METTL5: variants seen among roughly 807,000 people sequenced by gnomAD.
METTL5 encodes the protein rRNA N(6)-adenosine-methyltransferase METTL5.
A neutral mutation model predicts 26.5 loss-of-function variants in METTL5; 28 were observed. The observed-to-expected ratio is 1.06, with a 90% CI of 0.78 to 1.45. The LOEUF is 1.45. METTL5 is among the 40% of genes most tolerant of loss of function. The pLI, the probability that METTL5 is intolerant of heterozygous loss-of-function variation, is 0.00. For missense variants in METTL5, 231 were observed against 249.9 expected (o/e 0.92, Z 0.51); for synonymous variants, 86 against 82.6 (o/e 1.04, Z -0.22).
chr2:169,824,173 G>A (rs768982217), intron 1 of METTL5: 3 of 251,226 alleles, frequency 1.2e-5, no homozygotes, highest in Non-Finnish European at 2.4e-5. Context: ...TGGGCACTGG[G>A]AATTCAAGTA....
rs941150120 is a variant in METTL5, at chr2:169,824,858, G to A, written c.-261C>T. 1.6e-5 allele frequency: 5 copies of A among 315,452 alleles called. No homozygotes were observed. Among genetic ancestry groups the A allele is most frequent in the African/African-American group, 6.5e-5 (3 of 45,802 alleles). 19.5% of individuals were successfully genotyped at this position (315,452 alleles called of 1,614,324 possible). A position where few individuals can be genotyped will look rare whatever the true frequency, so the allele number is the denominator to read the frequency against. Reference sequence around the variant, plus strand: ...GCAGCCTCAGGATCCCTCGCGCCACGACCACGCACCTCTGGAGGCGACCCG... The same window carrying A: ...GCAGCCTCAGGATCCCTCGCGCCACAACCACGCACCTCTGGAGGCGACCCG... On this transcript the variant is annotated 5_prime_UTR_variant, in exon 1 of 7. Transcript: ENST00000260953.
intron 4 of METTL5, among the ~76,000 whole-genome samples, chr2:169,819,229 C>T (rs1452668399): frequency 6.6e-6 from 1 of 152,196 alleles, no homozygotes; most frequent in African/African-American, 2.4e-5. Context: ...CAGGCCACAC[C>T]GGGACAATGG....
intron 1 of METTL5, chr2:169,824,240 AAC>A: frequency 2.6e-6 from 1 of 387,510 alleles, no homozygotes; most frequent in Admixed American, 3.9e-5. Flanking sequence ...AAGAGAAAAA[AAC>A]ACATTAAAAA....
At chr2:169,824,416 A>C (rs2081624834) in intron 1 of METTL5, 73 bp downstream of exon 1, 1 of 1,171,136 alleles carries the variant, frequency 8.5e-7, no homozygotes, top group African/African-American at 1.5e-5. Flanking sequence ...TATCCAAATA[A>C]CTGTTCTATT....
intron 4 of METTL5, among the ~76,000 whole-genome samples, chr2:169,817,412 CCAG>C (rs1023309313): frequency 6.6e-5 from 10 of 152,114 alleles, no homozygotes; most frequent in Non-Finnish European, 8.8e-5. Context: ...ACCATTTGAC[CCAG>C]CCATCCCATG....
At chr2:169,822,123 ACT>A in intron 1 of METTL5, 66 bp from the exon 2 acceptor site, 1 of 1,535,208 alleles carries the variant, frequency 6.5e-7, no homozygotes. Flanking sequence ...TGTGCAAATG[ACT>A]CTTTCTAAAA....
At chr2:169,814,979 C>T (rs1363639691) in intron 5 of METTL5, among the ~76,000 whole-genome samples, 1 of 151,964 alleles carries the variant, frequency 6.6e-6, no homozygotes, top group African/African-American at 2.4e-5. Flanking sequence ...GCAACCTCTG[C>T]CTCTGGGACT....
intron 3 of METTL5, 110 bp downstream of exon 3, chr2:169,820,982 A>G (rs2162516): frequency 0.64 from 561,227 of 870,882 alleles, 184,064 homozygotes; most frequent in Admixed American, 0.7. Context: ...CTCCTGTATC[A>G]GCCTCGCAAA....
intron 5 of METTL5, 26 bp downstream of exon 5, chr2:169,815,451 G>A: frequency 6.5e-7 from 1 of 1,550,086 alleles, no homozygotes; most frequent in Non-Finnish European, 8.8e-7. Flanking sequence ...GGCCCTTTTG[G>A]ATATTAGGAT....
In METTL5 at chr2:169,811,805, T is replaced by C; in HGVS notation, c.*15A>G. ...ATTTTAAATAGGTTTTAAACGACTTTTGTTTGCGGGGCTTTTAAAAGGAAA... is the reference window on the plus strand; with the variant it reads ...ATTTTAAATAGGTTTTAAACGACTTCTGTTTGCGGGGCTTTTAAAAGGAAA... On this transcript the variant is annotated 3_prime_UTR_variant, in exon 7 of 7. Transcript: ENST00000260953. The C allele has an allele frequency of 1.9e-6, 3 of 1,613,738 alleles. No individual in the cohort carries two copies. The highest frequency in any genetic ancestry group is 2.5e-6 in the Non-Finnish European group (3 of 1,179,800).
In METTL5 at chr2:169,822,133, AAAT is replaced by A. The variant is rs1252877844; in HGVS notation, c.110-79_110-77del. 1.8e-5 allele frequency: 27 copies of A among 1,520,230 alleles called. No individual in the cohort carries two copies. In the East Asian group the frequency reaches 6.0e-4, roughly 34 times the overall value. The allele number at this position is 1,520,230 out of a possible 1,614,324, so 94.2% of individuals were successfully genotyped here. ...TAATTTGTGCAAATGACTCTTTCTAAAATAATTTCTTGTGTTGCATTACTTAGT... is the reference window on the plus strand; with the variant it reads ...TAATTTGTGCAAATGACTCTTTCTAAAATTTCTTGTGTTGCATTACTTAGT... On this transcript the variant is annotated intron_variant, in intron 1 of 6. Transcript: ENST00000260953.
chr2:169,811,823 A>C lies in METTL5; in HGVS notation c.627T>G (p.Phe209Leu). The C allele has an allele frequency of 6.2e-7, 1 of 1,613,694 alleles. No individual in the cohort carries two copies. The highest frequency in any genetic ancestry group is 2.2e-5 in the East Asian group (1 of 44,828). ...ACGACTTTTGTTTGCGGGGCTTTTAAAAGGAAAACCGAATTAGGTCCACTT... is the reference window on the plus strand; with the variant it reads ...ACGACTTTTGTTTGCGGGGCTTTTACAAGGAAAACCGAATTAGGTCCACTT... ...DIEVDLIRFS[F>L] The change falls in exon 7 of 7, where the codon TTT becomes TTG. Residue 209 changes from phenylalanine to leucine, a missense_variant. Phe to Leu is a conservative substitution (Grantham distance 22). Transcript: ENST00000260953.
In METTL5 at chr2:169,821,940, T is replaced by C. The variant is rs1399261978; in HGVS notation, c.224+3A>G. The C allele has an allele frequency of 6.2e-7, 1 of 1,612,776 alleles. No homozygotes were observed. The highest frequency in any genetic ancestry group is 8.5e-7 in the Non-Finnish European group (1 of 1,179,552). ...CCCAAATAGCATATATTGCATTACG[T>C]ACCCTGCTCCTAACATTGCAGTTCC... is the stretch of plus-strand genomic sequence containing the variant. On this transcript the variant is annotated splice_donor_region_variant and intron_variant, in intron 2 of 6. Coordinates refer to ENST00000260953, the MANE Select transcript of METTL5 (RefSeq NM_014168.4).
At chr2:169,812,861 T>G (rs534535711) in intron 5 of METTL5, 2 of 166,968 alleles carry the variant, frequency 1.2e-5, no homozygotes, top group South Asian at 3.4e-4. Flanking sequence ...TATTTCAAAA[T>G]TTTCTTACCC....
chr2:169,819,743 C>T, intron 3 of METTL5, 100 bp from the exon 4 acceptor site: 1 of 712,140 alleles, frequency 1.4e-6, no homozygotes, highest in Admixed American at 2.7e-5. Flanking sequence ...TCAAAATAGC[C>T]ACCTTGAAAT....
chr2:169,821,005 C>T lies in METTL5; in HGVS notation c.406+87G>A, dbSNP rs563134526. 4 of 1,119,462 alleles carry T rather than the reference C, an allele frequency of 3.6e-6. No homozygotes were observed. In the South Asian group the frequency reaches 6.6e-5, roughly 19 times the overall value. The allele number at this position is 1,119,462 out of a possible 1,614,324, so 69.3% of individuals were successfully genotyped here. ...TCAGCCTCGCAAAGCACTGGCATTACACGCCTGAGCCACTGCGCCTGGCCT... is the reference window on the plus strand; with the variant it reads ...TCAGCCTCGCAAAGCACTGGCATTATACGCCTGAGCCACTGCGCCTGGCCT... On this transcript the variant is annotated intron_variant, in intron 3 of 6. Transcript: ENST00000260953.
chr2:169,819,604 G>C lies in METTL5; in HGVS notation c.446C>G (p.Ala149Gly). The C allele has an allele frequency of 6.2e-7, 1 of 1,613,126 alleles. No individual in the cohort carries two copies. Residue 149 changes from alanine (A) to glycine (G), a missense_variant, in exon 4 of 7, where the codon GCA (alanine) becomes GGA (glycine). Ala to Gly is a moderately conservative substitution (Grantham distance 60). Transcript: ENST00000260953. ...GTGTAAGGAATATACTGCTGTTCTT[G>C]CCATTTCCAAAGCAGTCTTTAGAAA... ...MAFLKTALEM[A>G]RTAVYSLHKS...
At chr2:169,812,130 T>C (rs1403664094) in intron 6 of METTL5, 2 of 560,672 alleles carry the variant, frequency 3.6e-6, no homozygotes, top group African/African-American at 1.9e-5. Flanking sequence ...ATATTAGCTA[T>C]TGACGATGGG....
chr2:169,824,680 C>T lies in METTL5; in HGVS notation c.-83G>A. The T allele has an allele frequency of 8.9e-7, 1 of 1,124,572 alleles. No homozygotes were observed. The highest frequency in any genetic ancestry group is 2.4e-5 in the East Asian group (1 of 42,268). 69.7% of individuals were successfully genotyped at this position (1,124,572 alleles called of 1,614,324 possible). A position where few individuals can be genotyped will look rare whatever the true frequency, so the allele number is the denominator to read the frequency against. ...ATTGAACTGGGATCTTGTTTCCTCC[C>T]TACCCCCAACCTTCTCCCTTTTTCA... On this transcript the variant is annotated 5_prime_UTR_variant, in exon 1 of 7. Coordinates refer to ENST00000260953, the MANE Select transcript of METTL5 (RefSeq NM_014168.4).
Sources: allele counts gnomAD v4.1 joint callset (sites outside exome capture counted in the v4.1 genomes callset), GRCh38; gene constraint gnomAD v4.1.1; transcripts MANE v1.5; gene names NCBI Gene and HGNC (gene_info 2026-07-23, HGNC 2026-07-21).